Variants in CDH13 observed in about 807,000 individuals in gnomAD.
CDH13 encodes the protein cadherin 13, also known as cadherin-13.
In CDH13, 24 loss-of-function variants were observed where a neutral mutation model predicts 63.8. The observed-to-expected ratio is 0.38, with a 90% CI of 0.27 to 0.53. CDH13 has a LOEUF of 0.53. Ranked by LOEUF, CDH13 falls within the 20% of genes least tolerant of loss-of-function variation. The pLI, the probability that CDH13 is intolerant of heterozygous loss-of-function variation, is 0.85. For missense variants in CDH13, 1,049 were observed against 903.1 expected, an observed-to-expected ratio of 1.16 and a Z score of -2.07; for synonymous variants, 503 against 355.3, an observed-to-expected ratio of 1.42 and a Z score of -4.67.
intron 6 of CDH13, among the ~76,000 whole-genome samples, chr16:83,446,605 G>A (rs912404664): frequency 2.0e-5 from 3 of 152,116 alleles, no homozygotes; most frequent in Non-Finnish European, 2.9e-5. Context: ...TAAACTCTGG[G>A]GCAATTTTCT....
intron 1 of CDH13, among the ~76,000 whole-genome samples, chr16:82,746,742 T>G (rs2034194425): frequency 6.6e-6 from 1 of 152,138 alleles, no homozygotes; most frequent in Non-Finnish European, 1.5e-5. Context: ...TTTCTTAAAA[T>G]TTTTACTTGA....
chr16:83,076,247 A>T (rs1330401259), intron 3 of CDH13, among the ~76,000 whole-genome samples: 1 of 152,246 alleles, frequency 6.6e-6, no homozygotes, highest in Non-Finnish European at 1.5e-5. Flanking sequence ...AAAGAAAATG[A>T]TAGAGCCAAA....
intron 3 of CDH13, among the ~76,000 whole-genome samples, chr16:83,068,295 T>C (rs1412984525): frequency 6.6e-6 from 1 of 152,234 alleles, no homozygotes; most frequent in Non-Finnish European, 1.5e-5. Context: ...CATATAACTT[T>C]CATCCCCACT....
intron 9 of CDH13, among the ~76,000 whole-genome samples, chr16:83,674,120 T>C (rs1325273529): frequency 6.6e-6 from 1 of 152,212 alleles, no homozygotes. Flanking sequence ...CAGCCACTGG[T>C]GCAACCATCA....
At chr16:82,790,201 C>A (rs2036230452) in intron 1 of CDH13, among the ~76,000 whole-genome samples, 1 of 152,074 alleles carries the variant, frequency 6.6e-6, no homozygotes, top group African/African-American at 2.4e-5. Flanking sequence ...CTTTGGGAGG[C>A]CGAGGCAGGC....
intron 1 of CDH13, among the ~76,000 whole-genome samples, chr16:82,640,796 A>G (rs1191438322): frequency 1.3e-5 from 2 of 152,238 alleles, no homozygotes; most frequent in Non-Finnish European, 2.9e-5. Flanking sequence ...AAAGATGCTA[A>G]TAGTCAACTA....
chr16:83,624,915 G>C (rs951690415), intron 8 of CDH13, among the ~76,000 whole-genome samples: 1 of 152,222 alleles, frequency 6.6e-6, no homozygotes, highest in African/African-American at 2.4e-5. Context: ...CATGTGAAAA[G>C]CTGGTGTGTT....
chr16:83,308,584 G>T (rs2089931562), intron 5 of CDH13, among the ~76,000 whole-genome samples: 1 of 152,186 alleles, frequency 6.6e-6, no homozygotes, highest in Non-Finnish European at 1.5e-5. Flanking sequence ...TTTTTAAAAG[G>T]CTTTATGAAA....
chr16:82,732,073 C>G (rs11648238), intron 1 of CDH13, among the ~76,000 whole-genome samples: 1 of 151,956 alleles, frequency 6.6e-6, no homozygotes, highest in Admixed American at 6.6e-5. Flanking sequence ...GAGTTCTTCC[C>G]TTTATGCACA....
chr16:82,918,675 A>G (rs997750378), intron 2 of CDH13, among the ~76,000 whole-genome samples: 6 of 151,822 alleles, frequency 4.0e-5, no homozygotes, highest in African/African-American at 1.5e-4. Context: ...CGCCTGGCTA[A>G]TTTTTGTATT....
chr16:83,751,207 A>G (rs1463789081), intron 11 of CDH13, among the ~76,000 whole-genome samples: 1 of 152,196 alleles, frequency 6.6e-6, no homozygotes, highest in Non-Finnish European at 1.5e-5. Flanking sequence ...CCTGTAGAAT[A>G]AGTCATGAAA....
At chr16:82,784,264 C>T (rs779032155) in intron 1 of CDH13, among the ~76,000 whole-genome samples, 4 of 152,194 alleles carry the variant, frequency 2.6e-5, no homozygotes, top group African/African-American at 7.2e-5. Context: ...TGACCTTAGA[C>T]GTTGACATCC....
chr16:83,358,616 G>A (rs967979736), intron 6 of CDH13, among the ~76,000 whole-genome samples: 1 of 152,138 alleles, frequency 6.6e-6, no homozygotes, highest in Non-Finnish European at 1.5e-5. Flanking sequence ...AAAAATTAGA[G>A]CCCAGACTAT....
intron 10 of CDH13, among the ~76,000 whole-genome samples, chr16:83,711,979 G>A (rs562622625): frequency 5.3e-5 from 8 of 152,328 alleles, no homozygotes; most frequent in African/African-American, 1.9e-4. Flanking sequence ...GGTTCCTTCT[G>A]AGGCCTCTCT....
rs190563085 is a variant in CDH13 at position 83,622,236 on chromosome 16, C to T, written c.1101+19642C>T. ...AACTGAGGCACAGAGAGGTTTAGGA[C>T]GATACCTGAGACTTCAGCGTGGTGG... On this transcript the variant is annotated intron_variant, in intron 8 of 13. Coordinates refer to ENST00000567109, the MANE Select transcript of CDH13 (RefSeq NM_001257.5). 1.3e-4 allele frequency among the ~76,000 whole-genome samples: 20 copies of T among 152,180 alleles called. No individual in the cohort carries two copies. In the East Asian group the frequency reaches 1.9e-3, roughly 15 times the overall value.
chr16:83,561,713 G>C (rs1567765395), intron 7 of CDH13, among the ~76,000 whole-genome samples: 1 of 152,140 alleles, frequency 6.6e-6, no homozygotes, highest in Non-Finnish European at 1.5e-5. Flanking sequence ...TGAATTTTGA[G>C]AGATAATGTA....
intron 6 of CDH13, among the ~76,000 whole-genome samples, chr16:83,425,421 G>T (rs952450005): frequency 6.6e-6 from 1 of 152,226 alleles, no homozygotes; most frequent in Non-Finnish European, 1.5e-5. Context: ...TACCTGCTGC[G>T]TTCCCACTCT....
chr16:83,244,804 A>C (rs1324167290), intron 5 of CDH13, among the ~76,000 whole-genome samples: 1 of 152,178 alleles, frequency 6.6e-6, no homozygotes. Context: ...AGTGACAACG[A>C]GTATAAAATG....
chr16:83,240,945 T>C (rs1009411420), intron 5 of CDH13, among the ~76,000 whole-genome samples: 12 of 152,214 alleles, frequency 7.9e-5, no homozygotes, highest in African/African-American at 2.9e-4. Flanking sequence ...CCTCTTCATC[T>C]TGCAATAGTA....
Sources: allele counts gnomAD v4.1 joint callset (sites outside exome capture counted in the v4.1 genomes callset), GRCh38; gene constraint gnomAD v4.1.1; transcripts MANE v1.5; gene names NCBI Gene and HGNC (gene_info 2026-07-23, HGNC 2026-07-21).